MAML1: variants seen among roughly 807,000 people sequenced by gnomAD.
The protein encoded by MAML1 is mastermind-like protein 1.
A neutral mutation model predicts 77.1 loss-of-function variants in MAML1; 14 were observed. The observed-to-expected ratio is 0.18, with a 90% confidence interval of 0.12 to 0.28. The LOEUF is 0.28. Among genes scored for constraint, MAML1 ranks in the 10% least tolerant of loss-of-function variants. The pLI is 1.00. For missense variants in MAML1, 1,217 were observed against 1,327.8 expected (o/e 0.92, Z 1.30); for synonymous variants, 516 against 551.9 (o/e 0.93, Z 0.91).
At position 179,749,844 on chromosome 5, in the gene MAML1, C is replaced by G. The variant is rs151256587; in HGVS notation, c.316-15482C>G. On this transcript the variant is annotated intron_variant, in intron 1 of 4. Transcript: ENST00000292599. ...ATGGTGAGCTTAGAAACAGGAAGTA[C>G]AGGGCAGCCCCCTTGCTCTGACTGT... Among the ~76,000 whole-genome samples the G allele has an allele frequency of 5.9e-4, 90 of 152,310 alleles. 1 individual carries two copies. The highest frequency in any genetic ancestry group is 2.0e-3 in the African/African-American group (82 of 41,562).
At position 179,733,187 on chromosome 5, in the gene MAML1, G is replaced by C. The variant is rs1255648851; in HGVS notation, c.75G>C (p.Arg25=). 6.8e-7 allele frequency: 1 copy of C among 1,473,210 alleles called. No individual in the cohort carries two copies. Among genetic ancestry groups the C allele is most frequent in the South Asian group, 1.3e-5 (1 of 79,768 alleles). The allele number at this position is 1,473,210 out of a possible 1,614,324, so 91.3% of individuals were successfully genotyped here. A position where few individuals can be genotyped will look rare whatever the true frequency, so the allele number is the denominator to read the frequency against. Reference sequence around the variant, plus strand: ...GCGCGGTCATGGAGCGCCTTCGCCGGCGCATCGAGCTGTGCCGGCGCCACC... The same window carrying C: ...GCGCGGTCATGGAGCGCCTTCGCCGCCGCATCGAGCTGTGCCGGCGCCACC... The part of the protein sequence containing the change: ...RHSAVMERLR[R]RIELCRRHHS... The change falls in exon 1 of 5, where the codon CGG becomes CGC. Residue 25 remains arginine, a synonymous_variant. Coordinates refer to ENST00000292599, the MANE Select transcript of MAML1 (RefSeq NM_014757.5).
At chr5:179,743,269 C>T (rs941202035) in intron 1 of MAML1, among the ~76,000 whole-genome samples, 4 of 151,312 alleles carry the variant, frequency 2.6e-5, no homozygotes, top group Non-Finnish European at 5.9e-5. Flanking sequence ...TCAGGCTGGT[C>T]TCGAACTCCC....
At position 179,733,156 on chromosome 5, in the gene MAML1, G is replaced by A. The variant is rs1779098787; in HGVS notation, c.44G>A (p.Arg15Gln). 3 of 1,457,124 alleles carry A rather than the reference G, an allele frequency of 2.1e-6. No individual in the cohort carries two copies. The highest frequency in any genetic ancestry group is 2.7e-6 in the Non-Finnish European group (3 of 1,107,720). 90.3% of individuals were successfully genotyped at this position (1,457,124 alleles called of 1,614,324 possible). A position where few individuals can be genotyped will look rare whatever the true frequency, so the allele number is the denominator to read the frequency against. The change falls in exon 1 of 5, where the codon CGG becomes CAG. Residue 15 changes from arginine (R) to glutamine (Q), a missense_variant. Transcript: ENST00000292599. ...TCPMAEFALPRHSAVMERLRR... is the reference protein window; with the variant it reads ...TCPMAEFALPQHSAVMERLRR... ...CCCATGGCGGAGTTCGCGCTGCCGC[G>A]GCACAGCGCGGTCATGGAGCGCCTT...
intron 1 of MAML1, among the ~76,000 whole-genome samples, chr5:179,758,456 G>A (rs1412203195): frequency 2.0e-5 from 3 of 149,486 alleles, no homozygotes; most frequent in East Asian, 3.9e-4. Flanking sequence ...GCAGTGGCAC[G>A]ATCATGGCTC....
At chr5:179,746,547 A>G (rs1305206985) in intron 1 of MAML1, among the ~76,000 whole-genome samples, 1 of 151,336 alleles carries the variant, frequency 6.6e-6, no homozygotes, top group African/African-American at 2.4e-5. Context: ...CTAATTTTGT[A>G]TTTTTAGTAG....
chr5:179,767,696 A>G (rs1779847863), intron 2 of MAML1, among the ~76,000 whole-genome samples: 1 of 152,222 alleles, frequency 6.6e-6, no homozygotes, highest in Non-Finnish European at 1.5e-5. Flanking sequence ...GCTCAGCTGC[A>G]CACAGTGAGG....
At position 179,774,014 on chromosome 5, in the gene MAML1, T is replaced by A. The variant is rs1338561731; in HGVS notation, c.2188T>A (p.Ser730Thr). ...PMGPGHASVS[S>T]LPTNSGQQDR... ...GGGCCCTGGACATGCTTCAGTTTCC[T>A]CTCTCCCCACAAACTCAGGCCAACA... is the stretch of plus-strand genomic sequence containing the variant. Residue 730 changes from serine (S) to threonine (T), a missense_variant, in exon 5 of 5, where the codon TCT (serine) becomes ACT (threonine). By Grantham distance (58) the Ser-to-Thr change is moderately conservative. This residue lies in a region of MAML1 where 884 missense variants were observed against 949.3 expected (regional missense o/e 0.93). Transcript: ENST00000292599. The A allele has an allele frequency of 6.2e-7, 1 of 1,614,072 alleles. No homozygotes were observed. Among genetic ancestry groups the A allele is most frequent in the African/African-American group, 1.3e-5 (1 of 74,938 alleles).
intron 1 of MAML1, among the ~76,000 whole-genome samples, chr5:179,734,033 C>T (rs1345065417): frequency 6.6e-6 from 1 of 152,178 alleles, no homozygotes; most frequent in Non-Finnish European, 1.5e-5. Context: ...ATATTGTTGA[C>T]AATTCTAGTT....
At chr5:179,745,059 G>C (rs932163948) in intron 1 of MAML1, among the ~76,000 whole-genome samples, 4 of 151,730 alleles carry the variant, frequency 2.6e-5, no homozygotes, top group Non-Finnish European at 5.9e-5. Context: ...CTACCACCAC[G>C]CCCAGCTAAT....
chr5:179,745,097 G>A (rs10447304), intron 1 of MAML1, among the ~76,000 whole-genome samples: 69,012 of 151,444 alleles, frequency 0.46, 17,040 homozygotes, highest in South Asian at 0.62. Flanking sequence ...AGTAGAGATG[G>A]GGTTTCACCG....
Position 179,769,159 on chromosome 5 carries a change from A to C in MAML1, c.1971+70A>C. 8.8e-6 allele frequency: 14 copies of C among 1,586,486 alleles called. No individual in the cohort carries two copies. The highest frequency in any genetic ancestry group is 1.2e-5 in the Non-Finnish European group (14 of 1,164,498). ...TGCACCCTGCGTCACTGCTACAGTC[A>C]CACCTTCTGCTTGTGCGTGTGGATT... On this transcript the variant is annotated intron_variant, in intron 3 of 4. Coordinates refer to ENST00000292599, the MANE Select transcript of MAML1 (RefSeq NM_014757.5). The surrounding 1 kb of genome is among the most constrained non-coding windows in gnomAD (Gnocchi z 4.2).
At position 179,774,179 on chromosome 5, in the gene MAML1, A is replaced by G. The variant is rs377054021; in HGVS notation, c.2353A>G (p.Thr785Ala). 6.2e-7 allele frequency: 1 copy of G among 1,613,400 alleles called. No homozygotes were observed. Among genetic ancestry groups the G allele is most frequent in the African/African-American group, 1.3e-5 (1 of 74,936 alleles). Residue 785 changes from threonine to alanine, a missense_variant, in exon 5 of 5, where the codon ACC becomes GCC. Physicochemically the swap from Thr to Ala is moderately conservative, Grantham distance 58. Transcript: ENST00000292599. ...TGGACATGCCCACATTCCACGGCAG[A>G]CCAACGTGGGCCAGAACACCTCCGT... The part of the protein sequence containing the change: ...TNGHAHIPRQ[T>A]NVGQNTSVSA...
chr5:179,765,179 T>C, intron 1 of MAML1, 147 bp from the exon 2 acceptor site: 1 of 650,196 alleles, frequency 1.5e-6, no homozygotes, highest in Non-Finnish European at 2.6e-6. Context: ...TCAGGGAAAA[T>C]GGAGGTGTGT....
chr5:179,733,087 G>T lies in MAML1; in HGVS notation c.-26G>T. 1 of 1,331,210 alleles carries T rather than the reference G, an allele frequency of 7.5e-7. No homozygotes were observed. The highest frequency in any genetic ancestry group is 9.6e-7 in the Non-Finnish European group (1 of 1,041,380). 82.5% of individuals were successfully genotyped at this position (1,331,210 alleles called of 1,614,324 possible). On this transcript the variant is annotated 5_prime_UTR_variant, in exon 1 of 5. Transcript: ENST00000292599. ...GCCGGCCCCGAGAGGCCCGGCCCCG[G>T]GCCCGGCCCGTGCAGCCCGCGGCCC...
chr5:179,749,195 T>C (rs1341141302), intron 1 of MAML1, among the ~76,000 whole-genome samples: 1 of 152,136 alleles, frequency 6.6e-6, no homozygotes, highest in Non-Finnish European at 1.5e-5. Context: ...TGGCGCGATC[T>C]CTGCTCACTG....
At chr5:179,748,094 T>G (rs1779416743) in intron 1 of MAML1, among the ~76,000 whole-genome samples, 1 of 152,062 alleles carries the variant, frequency 6.6e-6, no homozygotes, top group Non-Finnish European at 1.5e-5. Context: ...TATTTACTAA[T>G]TTTTTTGACA....
chr5:179,753,283 C>T (rs956094540), intron 1 of MAML1, among the ~76,000 whole-genome samples: 1 of 151,798 alleles, frequency 6.6e-6, no homozygotes, highest in Admixed American at 6.6e-5. Flanking sequence ...CTGTCTTTGG[C>T]CTCTGGCAAT....
chr5:179,744,295 C>A (rs1414583115), intron 1 of MAML1, among the ~76,000 whole-genome samples: 2 of 151,954 alleles, frequency 1.3e-5, no homozygotes, highest in African/African-American at 4.8e-5. Context: ...AAGCAGTTCT[C>A]CTGCCTCAGC....
chr5:179,772,943 T>G (rs1306479704), intron 4 of MAML1, among the ~76,000 whole-genome samples: 1 of 152,204 alleles, frequency 6.6e-6, no homozygotes, highest in African/African-American at 2.4e-5. Flanking sequence ...TAGGCTGGAG[T>G]GCAGTGGCAT....
Sources: allele counts gnomAD v4.1 joint callset (sites outside exome capture counted in the v4.1 genomes callset), GRCh38; gene constraint gnomAD v4.1.1; regional missense constraint gnomAD v4.1.1; non-coding constraint Gnocchi (gnomAD v3.1); transcripts MANE v1.5; gene names NCBI Gene and HGNC (gene_info 2026-07-23, HGNC 2026-07-21).